CYSLTR2: variants seen among roughly 807,000 people sequenced by gnomAD.
CYSLTR2 encodes the protein G-protein coupled receptor GPCR21.
For synonymous variants in CYSLTR2, 179 were observed against 160.8 expected (o/e 1.11, Z -0.86); for missense variants, 398 against 411.9 (o/e 0.97, Z 0.29).
intron 1 of CYSLTR2, among the ~76,000 whole-genome samples, chr13:48,683,805 C>T (rs1389077353): frequency 6.6e-6 from 1 of 152,066 alleles, no homozygotes; most frequent in Non-Finnish European, 1.5e-5. Flanking sequence ...GAAATCTTTG[C>T]CAGACAGGGA....
chr13:48,656,165 A>AT (rs796573802), intron 1 of CYSLTR2, among the ~76,000 whole-genome samples: 336 of 151,832 alleles, frequency 2.2e-3, no homozygotes, highest in African/African-American at 7.1e-3. Flanking sequence ...TTACATTGTA[A>AT]TTTTTTTTTA....
At chr13:48,698,731 C>G (rs58287950) in intron 4 of CYSLTR2, among the ~76,000 whole-genome samples, 63 of 152,178 alleles carry the variant, frequency 4.1e-4, no homozygotes, top group African/African-American at 1.5e-3. Flanking sequence ...ACTGGCAAAT[C>G]AGATAAAGAG....
intron 1 of CYSLTR2, among the ~76,000 whole-genome samples, chr13:48,674,693 G>A (rs1334557040): frequency 6.6e-6 from 1 of 152,200 alleles, no homozygotes; most frequent in Non-Finnish European, 1.5e-5. Flanking sequence ...CTTTGGAGGT[G>A]AAGAGTCATT....
intron 1 of CYSLTR2, among the ~76,000 whole-genome samples, chr13:48,681,763 T>C (rs933124861): frequency 2.6e-5 from 4 of 152,192 alleles, no homozygotes; most frequent in African/African-American, 9.6e-5. Context: ...GTCCTGCCTC[T>C]CTCGAGCTGC....
At chr13:48,698,888 C>CAG (rs1954266384) in intron 4 of CYSLTR2, among the ~76,000 whole-genome samples, 1 of 152,136 alleles carries the variant, frequency 6.6e-6, no homozygotes, top group Non-Finnish European at 1.5e-5. Context: ...TCTGATAAAG[C>CAG]AGACTTTAAA....
At chr13:48,691,570 C>T (rs546466264) in intron 2 of CYSLTR2, among the ~76,000 whole-genome samples, 6 of 152,210 alleles carry the variant, frequency 3.9e-5, no homozygotes, top group Admixed American at 3.9e-4. Flanking sequence ...GACAAGACAA[C>T]TATGCTGTGA....
At position 48,699,054 on chromosome 13, in the gene CYSLTR2, C is replaced by G. The variant is rs939860743; in HGVS notation, c.-2+2428C>G. ...TTAGAGACCTACAAAGAGACTTAGA[C>G]TCCCACACAATAATAATGGGAGACT... is the stretch of plus-strand genomic sequence containing the variant. On this transcript the variant is annotated intron_variant, in intron 4 of 4. Transcript: ENST00000682523. Among the ~76,000 whole-genome samples, 22 of 152,204 alleles carry G rather than the reference C, an allele frequency of 1.4e-4. 1 individual carries two copies. The highest frequency in any genetic ancestry group is 5.3e-4 in the African/African-American group (22 of 41,438).
At chr13:48,663,725 T>C (rs1263335165) in intron 1 of CYSLTR2, among the ~76,000 whole-genome samples, 1 of 152,100 alleles carries the variant, frequency 6.6e-6, no homozygotes, top group African/African-American at 2.4e-5. Context: ...TTATTAGTTC[T>C]AAGAGTTTTT....
chr13:48,697,968 G>GA (rs1208740326), intron 4 of CYSLTR2, among the ~76,000 whole-genome samples: 4 of 152,022 alleles, frequency 2.6e-5, no homozygotes, highest in Non-Finnish European at 4.4e-5. Flanking sequence ...AGCATAGAGA[G>GA]AAAAAAGTAA....
intron 1 of CYSLTR2, among the ~76,000 whole-genome samples, chr13:48,658,255 A>G (rs1359108): frequency 0.4 from 60,481 of 151,966 alleles, 12,594 homozygotes; most frequent in African/African-American, 0.52. Flanking sequence ...ATGCCATGCC[A>G]TTGACCATTT....
At chr13:48,657,720 A>G (rs1164806568) in intron 1 of CYSLTR2, among the ~76,000 whole-genome samples, 1 of 151,790 alleles carries the variant, frequency 6.6e-6, no homozygotes, top group Non-Finnish European at 1.5e-5. Flanking sequence ...TAGAAACAGC[A>G]TCGTACCTTG....
intron 4 of CYSLTR2, among the ~76,000 whole-genome samples, chr13:48,706,375 A>T (rs1026680999): frequency 2.0e-5 from 3 of 152,154 alleles, no homozygotes; most frequent in African/African-American, 4.8e-5. Context: ...TTCTCTTTGT[A>T]CTTGAAGGAT....
chr13:48,654,550 T>A (rs1187618848), intron 1 of CYSLTR2, among the ~76,000 whole-genome samples: 1 of 152,162 alleles, frequency 6.6e-6, no homozygotes, highest in East Asian at 1.9e-4. Context: ...TTATATAAGA[T>A]ATATTTTTTC....
intron 4 of CYSLTR2, among the ~76,000 whole-genome samples, 163 bp downstream of exon 4, chr13:48,696,789 C>T (rs1333539438): frequency 6.6e-6 from 1 of 152,190 alleles, no homozygotes; most frequent in African/African-American, 2.4e-5. Flanking sequence ...CACTCCCACC[C>T]TAATACTGTG....
intron 1 of CYSLTR2, among the ~76,000 whole-genome samples, chr13:48,656,959 T>G (rs1317907393): frequency 6.6e-6 from 1 of 152,228 alleles, no homozygotes; most frequent in African/African-American, 2.4e-5. Context: ...ATTTCTTTAT[T>G]TCTCAGGGTA....
chr13:48,677,957 C>T (rs9595959), intron 1 of CYSLTR2, among the ~76,000 whole-genome samples: 15,864 of 151,416 alleles, frequency 0.1, 1,812 homozygotes, highest in African/African-American at 0.28. Flanking sequence ...CTGCAACCTC[C>T]GCCTTCAGGG....
chr13:48,689,702 G>C lies in CYSLTR2; in HGVS notation c.-265-1510G>C, dbSNP rs548037813. Among the ~76,000 whole-genome samples, 19 of 152,242 alleles carry C rather than the reference G, an allele frequency of 1.2e-4. No homozygotes were observed. In the East Asian group the frequency reaches 3.5e-3, roughly 28 times the overall value. On this transcript the variant is annotated intron_variant, in intron 1 of 4. Transcript: ENST00000682523. ...TAGGTAGCATGATGCCTCCAGCTTT[G>C]TTCTTTTTGCTTAGGATTGTCTTGG...
intron 1 of CYSLTR2, among the ~76,000 whole-genome samples, chr13:48,671,854 A>G (rs1448942385): frequency 6.6e-6 from 1 of 151,582 alleles, no homozygotes; most frequent in African/African-American, 2.4e-5. Context: ...AAGGTATGGT[A>G]CCAGCTCCTC....
intron 1 of CYSLTR2, among the ~76,000 whole-genome samples, chr13:48,677,563 G>A (rs1353326498): frequency 6.6e-6 from 1 of 152,152 alleles, no homozygotes; most frequent in Non-Finnish European, 1.5e-5. Context: ...TATGGCTCAA[G>A]TGTATGATGT....
Sources: gnomAD v4.1 joint callset for allele counts (sites outside exome capture counted in the v4.1 genomes callset) on GRCh38, gnomAD v4.1.1 for gene constraint, MANE v1.5 for transcripts, NCBI Gene and HGNC (gene_info 2026-07-23, HGNC 2026-07-21) for gene names.